SGCZ: variants seen among roughly 807,000 people sequenced by gnomAD.
SGCZ encodes sarcoglycan zeta.
A neutral mutation model predicts 41.3 loss-of-function variants in SGCZ; 40 were observed. The ratio of observed to expected loss-of-function variants is 0.97; its 90% CI spans 0.75 to 1.26. The LOEUF is 1.26. SGCZ is among the 50% of genes most tolerant of loss of function. SGCZ has a pLI of 0.00. For missense variants in SGCZ, 552 were observed against 369.8 expected, an observed-to-expected ratio of 1.49 and a Z score of -4.04; for synonymous variants, 206 against 137.5, an observed-to-expected ratio of 1.50 and a Z score of -3.49.
intron 1 of SGCZ, among the ~76,000 whole-genome samples, chr8:14,666,173 A>G (rs776559637): frequency 6.6e-6 from 1 of 152,162 alleles, no homozygotes; most frequent in Non-Finnish European, 1.5e-5. Flanking sequence ...TGTCCTAACA[A>G]ATACTAGGGT....
chr8:15,214,902 A>G (rs1469855118), intron 1 of SGCZ, among the ~76,000 whole-genome samples: 1 of 152,210 alleles, frequency 6.6e-6, no homozygotes, highest in Non-Finnish European at 1.5e-5. Context: ...TCACTTAGAC[A>G]GAAAAGCGAA....
rs186577309 is a variant in SGCZ, at chr8:15,186,378, C to A, written c.39+51207G>T. 4.8e-3 allele frequency among the ~76,000 whole-genome samples: 728 copies of A among 150,480 alleles called. 3 individuals carry two copies. The highest frequency in any genetic ancestry group is 0.024 in the Middle Eastern group (7 of 292). ...CGCTGATATAAATACTGGCTCCAGT[C>A]GGGTATTAAGTACTTTTCCTTAAAC... On this transcript the variant is annotated intron_variant, in intron 1 of 7. Coordinates refer to ENST00000382080, the MANE Select transcript of SGCZ (RefSeq NM_139167.4).
chr8:14,351,645 G>A (rs1368525619), intron 2 of SGCZ, among the ~76,000 whole-genome samples: 1 of 151,460 alleles, frequency 6.6e-6, no homozygotes, highest in Non-Finnish European at 1.5e-5. Context: ...TACCCACAAG[G>A]CAAATACAAA....
At chr8:14,983,927 C>G (rs1027741146) in intron 1 of SGCZ, among the ~76,000 whole-genome samples, 1 of 152,106 alleles carries the variant, frequency 6.6e-6, no homozygotes, top group African/African-American at 2.4e-5. Flanking sequence ...ACCACAAACT[C>G]TTATTATCTC....
intron 1 of SGCZ, among the ~76,000 whole-genome samples, chr8:14,615,428 C>A (rs1653544873): frequency 6.6e-6 from 1 of 152,212 alleles, no homozygotes; most frequent in Admixed American, 6.5e-5. Context: ...GTGGAGCTCT[C>A]TGAACCCCTT....
chr8:14,537,686 A>G (rs1350994400), intron 2 of SGCZ, among the ~76,000 whole-genome samples: 2 of 151,802 alleles, frequency 1.3e-5, no homozygotes, highest in Non-Finnish European at 2.9e-5. Flanking sequence ...AAGAAAACAT[A>G]CTAATAATAT....
chr8:14,320,902 T>C (rs1232758569), intron 3 of SGCZ, among the ~76,000 whole-genome samples: 2 of 152,022 alleles, frequency 1.3e-5, no homozygotes, highest in Admixed American at 1.3e-4. Flanking sequence ...CGATGCAAAT[T>C]TTGCTGGTTA....
At chr8:14,170,715 G>C (rs1291165433) in intron 4 of SGCZ, among the ~76,000 whole-genome samples, 1 of 152,022 alleles carries the variant, frequency 6.6e-6, no homozygotes. Flanking sequence ...CTAGAACAAA[G>C]TTGACGGGTG....
chr8:14,358,513 T>C, intron 2 of SGCZ, among the ~76,000 whole-genome samples: 1 of 152,196 alleles, frequency 6.6e-6, no homozygotes, highest in Non-Finnish European at 1.5e-5. Context: ...TCAAGGAAAC[T>C]AGTTATTAAA....
At chr8:15,126,890 A>G (rs1012336239) in intron 1 of SGCZ, among the ~76,000 whole-genome samples, 1 of 152,196 alleles carries the variant, frequency 6.6e-6, no homozygotes, top group Non-Finnish European at 1.5e-5. Flanking sequence ...TGGGAAGGAC[A>G]TGGAGACTGA....
intron 1 of SGCZ, among the ~76,000 whole-genome samples, chr8:14,982,181 C>G (rs889820796): frequency 2.0e-5 from 3 of 150,864 alleles, no homozygotes; most frequent in African/African-American, 4.9e-5. Context: ...AAGGAAATGA[C>G]ATTATTTGAA....
In SGCZ at chr8:14,979,443, T is replaced by C. The variant is rs17608572; in HGVS notation, c.39+258142A>G. ...AAGAATCTACAAGGATGGGAAGTAATGTACAAGGCTTACATAATCTCTTTT... is the reference window on the plus strand; with the variant it reads ...AAGAATCTACAAGGATGGGAAGTAACGTACAAGGCTTACATAATCTCTTTT... On this transcript the variant is annotated intron_variant, in intron 1 of 7. Transcript: ENST00000382080. Among the ~76,000 whole-genome samples the C allele has an allele frequency of 7.4e-4, 113 of 152,316 alleles. 1 individual carries two copies. The East Asian group carries it at 0.02, about 27-fold the overall frequency.
At chr8:14,798,821 T>C (rs1267149562) in intron 1 of SGCZ, among the ~76,000 whole-genome samples, 1 of 152,222 alleles carries the variant, frequency 6.6e-6, no homozygotes, top group African/African-American at 2.4e-5. Flanking sequence ...ACTATGTCCA[T>C]TTTAAATAAG....
At chr8:14,828,614 G>A (rs1802420815) in intron 1 of SGCZ, among the ~76,000 whole-genome samples, 1 of 152,122 alleles carries the variant, frequency 6.6e-6, no homozygotes, top group Admixed American at 6.5e-5. Context: ...TCAAACCAGT[G>A]GCTATCAAGA....
At chr8:15,208,779 C>T (rs1056173261) in intron 1 of SGCZ, among the ~76,000 whole-genome samples, 3 of 151,798 alleles carry the variant, frequency 2.0e-5, no homozygotes, top group Non-Finnish European at 4.4e-5. Flanking sequence ...TCACAAACTG[C>T]AAGATGCTAA....
At chr8:15,166,563 T>G (rs938707713) in intron 1 of SGCZ, among the ~76,000 whole-genome samples, 2 of 152,140 alleles carry the variant, frequency 1.3e-5, no homozygotes, top group Non-Finnish European at 2.9e-5. Context: ...ACAACCTTCT[T>G]TAGGTTTTAT....
At chr8:15,230,462 C>T (rs1801908225) in intron 1 of SGCZ, among the ~76,000 whole-genome samples, 1 of 152,144 alleles carries the variant, frequency 6.6e-6, no homozygotes, top group South Asian at 2.1e-4. Context: ...TTCTGAGTCT[C>T]CATTTTGGTA....
chr8:14,248,620 G>A (rs947699027), intron 3 of SGCZ, among the ~76,000 whole-genome samples: 1 of 152,026 alleles, frequency 6.6e-6, no homozygotes, highest in Non-Finnish European at 1.5e-5. Flanking sequence ...AGTTGGATAT[G>A]TTTTCCAATA....
At chr8:14,312,787 T>C (rs897312330) in intron 3 of SGCZ, among the ~76,000 whole-genome samples, 2 of 152,212 alleles carry the variant, frequency 1.3e-5, no homozygotes, top group Non-Finnish European at 2.9e-5. Flanking sequence ...CAATATGATA[T>C]GGCTCCATGT....
Sources: allele counts gnomAD v4.1 joint callset (sites outside exome capture counted in the v4.1 genomes callset), GRCh38; gene constraint gnomAD v4.1.1; transcripts MANE v1.5; gene names NCBI Gene and HGNC (gene_info 2026-07-23, HGNC 2026-07-21).